Variants in ETV6 observed in about 807,000 individuals in gnomAD.
ETV6 encodes transcription factor ETV6.
Under a neutral mutation model 51.1 loss-of-function variants are expected in ETV6, and 16 were observed. The observed-to-expected ratio is 0.31, with a 90% CI of 0.21 to 0.48. The LOEUF (loss-of-function observed/expected upper bound fraction) is 0.48, where lower values mean the gene tolerates loss of function less well. ETV6 is among the 20% of genes least tolerant of loss of function. The pLI, the probability that ETV6 is intolerant of heterozygous loss-of-function variation, is 0.99. For synonymous variants in ETV6, 240 were observed against 224.1 expected (o/e 1.07, Z -0.64); for missense variants, 458 against 594.8 (o/e 0.77, Z 2.39).
intron 1 of ETV6, among the ~76,000 whole-genome samples, chr12:11,711,260 G>A (rs1039777515): frequency 3.9e-5 from 6 of 152,120 alleles, no homozygotes; most frequent in African/African-American, 9.7e-5. Context: ...AACTCAACCC[G>A]TTATTTTTGT....
chr12:11,862,415 A>T (rs1046737092), intron 4 of ETV6, among the ~76,000 whole-genome samples: 2 of 152,156 alleles, frequency 1.3e-5, no homozygotes, highest in Non-Finnish European at 2.9e-5. Flanking sequence ...GTAACAAAGT[A>T]CCCCAAACGG....
intron 3 of ETV6, among the ~76,000 whole-genome samples, chr12:11,852,625 A>G (rs1038137087): frequency 6.6e-6 from 1 of 152,240 alleles, no homozygotes; most frequent in Non-Finnish European, 1.5e-5. Context: ...GCAAGCTAAG[A>G]TAGATGTAAA....
intron 1 of ETV6, among the ~76,000 whole-genome samples, chr12:11,731,733 C>T (rs140598423): frequency 6.0e-4 from 92 of 152,234 alleles, no homozygotes; most frequent in African/African-American, 2.2e-3. Context: ...CCCAAGGGCT[C>T]AAAGCCCTTC....
At chr12:11,855,266 A>C (rs1946615585) in intron 4 of ETV6, among the ~76,000 whole-genome samples, 1 of 152,136 alleles carries the variant, frequency 6.6e-6, no homozygotes, top group African/African-American at 2.4e-5. Context: ...AGATTGCGCC[A>C]CTGCACTCCA....
At chr12:11,662,819 A>G (rs1294552160) in intron 1 of ETV6, among the ~76,000 whole-genome samples, 2 of 152,174 alleles carry the variant, frequency 1.3e-5, no homozygotes, top group Non-Finnish European at 2.9e-5. Flanking sequence ...CTGGTCCCCA[A>G]ATTGGTGTCT....
chr12:11,840,859 C>T, intron 3 of ETV6: 1 of 229,300 alleles, frequency 4.4e-6, no homozygotes, highest in Non-Finnish European at 8.8e-6. Flanking sequence ...ATAAATCAGA[C>T]TATCCTAAAT....
At chr12:11,794,275 C>G (rs998441195) in intron 2 of ETV6, among the ~76,000 whole-genome samples, 4 of 152,176 alleles carry the variant, frequency 2.6e-5, no homozygotes, top group African/African-American at 9.7e-5. Flanking sequence ...ATTGGCTAAG[C>G]TCAAAGACAA....
intron 1 of ETV6, among the ~76,000 whole-genome samples, chr12:11,677,624 A>T (rs527729024): frequency 6.6e-6 from 1 of 152,328 alleles, no homozygotes; most frequent in East Asian, 1.9e-4. Flanking sequence ...CACCTGTTAC[A>T]TGCTGGACAT....
chr12:11,882,377 A>C (rs992344059), intron 5 of ETV6, among the ~76,000 whole-genome samples: 1 of 152,230 alleles, frequency 6.6e-6, no homozygotes, highest in Non-Finnish European at 1.5e-5. Context: ...CTGAGACTAG[A>C]AATTGCATTG....
chr12:11,702,139 G>A (rs1441803738), intron 1 of ETV6, among the ~76,000 whole-genome samples: 1 of 152,166 alleles, frequency 6.6e-6, no homozygotes, highest in Non-Finnish European at 1.5e-5. Context: ...ACCACTGTGT[G>A]GGGCAAATGG....
chr12:11,730,675 C>T (rs1360518993), intron 1 of ETV6, among the ~76,000 whole-genome samples: 1 of 152,216 alleles, frequency 6.6e-6, no homozygotes, highest in Non-Finnish European at 1.5e-5. Flanking sequence ...TTTGGCAACT[C>T]TCTCCACCGC....
At chr12:11,735,272 T>C (rs1865682024) in intron 1 of ETV6, among the ~76,000 whole-genome samples, 1 of 152,024 alleles carries the variant, frequency 6.6e-6, no homozygotes, top group Admixed American at 6.6e-5. Context: ...CAGGATAGAA[T>C]AGGGTCACAG....
chr12:11,840,160 A>G (rs919537642), intron 3 of ETV6, among the ~76,000 whole-genome samples: 4 of 152,182 alleles, frequency 2.6e-5, no homozygotes, highest in Non-Finnish European at 5.9e-5. Flanking sequence ...CCTAAAAAAT[A>G]CAAGCAGAGG....
At chr12:11,656,854 C>T (rs912288990) in intron 1 of ETV6, among the ~76,000 whole-genome samples, 2 of 151,802 alleles carry the variant, frequency 1.3e-5, no homozygotes, top group African/African-American at 4.8e-5. Context: ...AAGCTTTTCA[C>T]ACAATCCATA....
intron 2 of ETV6, among the ~76,000 whole-genome samples, chr12:11,824,820 A>G (rs1946129950): frequency 2.0e-5 from 3 of 152,190 alleles, no homozygotes; most frequent in Admixed American, 1.3e-4. Context: ...ACTTAGATGC[A>G]AGGTCTCCCA....
chr12:11,779,401 T>C (rs1945380637), intron 2 of ETV6, among the ~76,000 whole-genome samples: 1 of 152,216 alleles, frequency 6.6e-6, no homozygotes, highest in African/African-American at 2.4e-5. Context: ...GATGTGCTTA[T>C]TTCTGATCTG....
At chr12:11,856,922 A>G (rs1162528809) in intron 4 of ETV6, among the ~76,000 whole-genome samples, 3 of 152,272 alleles carry the variant, frequency 2.0e-5, no homozygotes, top group African/African-American at 4.8e-5. Flanking sequence ...ATGTTAACCC[A>G]AGATGACACA....
At chr12:11,775,766 C>T (rs1202450144) in intron 2 of ETV6, among the ~76,000 whole-genome samples, 1 of 152,244 alleles carries the variant, frequency 6.6e-6, no homozygotes, top group Non-Finnish European at 1.5e-5. Context: ...ACCATACAAG[C>T]AGCGCATCCA....
At chr12:11,680,534 G>A (rs1864505104) in intron 1 of ETV6, among the ~76,000 whole-genome samples, 1 of 152,158 alleles carries the variant, frequency 6.6e-6, no homozygotes, top group South Asian at 2.1e-4. Context: ...ATTTGACTCA[G>A]CCCTAATACA....
Sources: gnomAD v4.1 joint callset for allele counts (sites outside exome capture counted in the v4.1 genomes callset) on GRCh38, gnomAD v4.1.1 for gene constraint, MANE v1.5 for transcripts, NCBI Gene and HGNC (gene_info 2026-07-23, HGNC 2026-07-21) for gene names.